OPCML: variants seen among roughly 807,000 people sequenced by gnomAD.
OPCML encodes opioid-binding protein/cell adhesion molecule.
A neutral mutation model predicts 37.8 loss-of-function variants in OPCML; 13 were observed. The observed-to-expected ratio is 0.34, with a 90% CI of 0.22 to 0.55. OPCML has a LOEUF of 0.55. OPCML is among the 20% of genes least tolerant of loss of function. The pLI is 0.91. For synonymous variants in OPCML, 176 were observed against 168.8 expected (o/e 1.04, Z -0.33); for missense variants, 341 against 435.6 (o/e 0.78, Z 1.93).
rs188050282 is a variant in OPCML at position 133,461,258 on chromosome 11, G to A, written c.61+71006C>T. Among the ~76,000 whole-genome samples the A allele has an allele frequency of 5.9e-4, 89 of 151,984 alleles. 1 individual carries two copies. Among genetic ancestry groups the A allele is most frequent in the African/African-American group, 1.8e-3 (76 of 41,542 alleles). On this transcript the variant is annotated intron_variant, in intron 1 of 7. Coordinates refer to ENST00000524381, the MANE Select transcript of OPCML (RefSeq NM_001012393.5). The stretch of plus-strand genomic sequence containing the variant: ...AGAGAAGAAAAAGAAATAAGTCACC[G>A]AAATTCTAATGGAAGAAGTAAAATT...
At chr11:132,450,559 C>T (rs971126290) in intron 4 of OPCML, among the ~76,000 whole-genome samples, 1 of 151,574 alleles carries the variant, frequency 6.6e-6, no homozygotes, top group Non-Finnish European at 1.5e-5. Context: ...TGAGCTTACT[C>T]TACTTCCACT....
intron 1 of OPCML, among the ~76,000 whole-genome samples, chr11:133,462,006 G>A (rs974692901): frequency 3.3e-5 from 5 of 151,772 alleles, no homozygotes; most frequent in African/African-American, 1.2e-4. Context: ...TTAAACAAGA[G>A]TGTCATGACC....
intron 2 of OPCML, among the ~76,000 whole-genome samples, chr11:132,692,721 C>A (rs1943452158): frequency 6.6e-6 from 1 of 152,162 alleles, no homozygotes; most frequent in Admixed American, 6.5e-5. Context: ...AATAGGTGCT[C>A]CATGAATGTT....
chr11:132,698,244 A>C (rs1160750943), intron 2 of OPCML, among the ~76,000 whole-genome samples: 2 of 152,124 alleles, frequency 1.3e-5, no homozygotes, highest in Non-Finnish European at 2.9e-5. Flanking sequence ...TGGCTATACC[A>C]ATTCAAATTT....
chr11:133,337,680 A>T (rs1442714249), intron 1 of OPCML, among the ~76,000 whole-genome samples: 1 of 152,210 alleles, frequency 6.6e-6, no homozygotes, highest in Admixed American at 6.5e-5. Flanking sequence ...AGCAGACTTC[A>T]TCAAAACTTC....
intron 5 of OPCML, 112 bp from the exon 6 acceptor site, chr11:132,436,891 C>CCCAG: frequency 6.7e-7 from 1 of 1,482,106 alleles, no homozygotes; most frequent in Non-Finnish European, 9.0e-7. Flanking sequence ...AAATGGATTT[C>CCCAG]TTGTGACAAC....
chr11:133,161,985 C>CTT (rs553617547), intron 1 of OPCML, among the ~76,000 whole-genome samples: 3,769 of 85,366 alleles, frequency 0.044, 342 homozygotes, highest in Non-Finnish European at 0.059. Flanking sequence ...CAGTCTCTGT[C>CTT]TTTTTTTTTT....
intron 4 of OPCML, among the ~76,000 whole-genome samples, chr11:132,474,283 TTA>T (rs5795778): frequency 0.22 from 33,709 of 151,970 alleles, 4,568 homozygotes; most frequent in East Asian, 0.42. Flanking sequence ...TTTACCCTGT[TTA>T]TAATTTGCAA....
chr11:132,440,244 A>G (rs1474997653), intron 4 of OPCML, among the ~76,000 whole-genome samples: 1 of 152,240 alleles, frequency 6.6e-6, no homozygotes, highest in Non-Finnish European at 1.5e-5. Context: ...GGGGATCGTT[A>G]TAATACTACC....
intron 1 of OPCML, among the ~76,000 whole-genome samples, chr11:133,008,680 C>A (rs1947158522): frequency 6.6e-6 from 1 of 152,172 alleles, no homozygotes; most frequent in Admixed American, 6.5e-5. Context: ...TTGGTGGCAA[C>A]TTTGAAGGCC....
intron 2 of OPCML, among the ~76,000 whole-genome samples, chr11:132,708,506 T>G (rs1944128546): frequency 6.6e-6 from 1 of 152,234 alleles, no homozygotes; most frequent in African/African-American, 2.4e-5. Context: ...ATTATTACTT[T>G]ATACTCAGCT....
chr11:132,753,981 C>T (rs1945939140), intron 2 of OPCML, among the ~76,000 whole-genome samples: 1 of 152,152 alleles, frequency 6.6e-6, no homozygotes, highest in Non-Finnish European at 1.5e-5. Context: ...GGAAAGAAGA[C>T]CTAGTCAGAG....
intron 1 of OPCML, among the ~76,000 whole-genome samples, chr11:133,125,553 GATAT>G (rs376897767): frequency 7.0e-6 from 1 of 143,076 alleles, no homozygotes; most frequent in Non-Finnish European, 1.5e-5. Context: ...AAACTAATAG[GATAT>G]ATATATATAT....
At chr11:132,576,171 T>C (rs1393608683) in intron 3 of OPCML, among the ~76,000 whole-genome samples, 1 of 152,164 alleles carries the variant, frequency 6.6e-6, no homozygotes, top group African/African-American at 2.4e-5. Context: ...CTTTTTGGTA[T>C]CTTGGATCTA....
chr11:133,404,371 A>T (rs1370602767), intron 1 of OPCML, among the ~76,000 whole-genome samples: 3 of 152,248 alleles, frequency 2.0e-5, no homozygotes, highest in Non-Finnish European at 4.4e-5. Context: ...TGTGTGACAC[A>T]ATTCAACCTA....
intron 4 of OPCML, among the ~76,000 whole-genome samples, chr11:132,444,628 G>C (rs1396210738): frequency 6.6e-6 from 1 of 152,118 alleles, no homozygotes; most frequent in African/African-American, 2.4e-5. Flanking sequence ...CTGATGGCTA[G>C]GTTTGAAAAC....
intron 3 of OPCML, among the ~76,000 whole-genome samples, chr11:132,586,970 G>A (rs1046195012): frequency 2.6e-5 from 4 of 152,118 alleles, no homozygotes; most frequent in African/African-American, 9.7e-5. Context: ...ATGCATTCGG[G>A]CATATGCATT....
At chr11:133,115,993 G>A (rs1031472540) in intron 1 of OPCML, among the ~76,000 whole-genome samples, 1 of 151,450 alleles carries the variant, frequency 6.6e-6, no homozygotes, top group Admixed American at 6.6e-5. Flanking sequence ...TTTTTGAGAC[G>A]GGGTCTCGCT....
chr11:132,983,249 C>A (rs1055541754), intron 1 of OPCML, among the ~76,000 whole-genome samples: 1 of 152,196 alleles, frequency 6.6e-6, no homozygotes, highest in African/African-American at 2.4e-5. Flanking sequence ...CTCATAGCAT[C>A]ACAGTTTGGG....
Sources: allele counts gnomAD v4.1 joint callset (sites outside exome capture counted in the v4.1 genomes callset), GRCh38; gene constraint gnomAD v4.1.1; transcripts MANE v1.5; gene names NCBI Gene and HGNC (gene_info 2026-07-23, HGNC 2026-07-21).